The following LRMDA variants were observed in gnomAD, a reference collection of about 807,000 sequenced individuals.
LRMDA encodes the protein leucine rich melanocyte differentiation associated, also known as leucine-rich melanocyte differentiation-associated protein.
A neutral mutation model predicts 29.8 loss-of-function variants in LRMDA; 18 were observed. The ratio of observed to expected loss-of-function variants is 0.60; its 90% confidence interval spans 0.42 to 0.90. LRMDA has a LOEUF of 0.90. Among genes scored for constraint, LRMDA ranks in the 40% least tolerant of loss-of-function variants. LRMDA has a pLI of 0.00. For missense variants in LRMDA, 273 were observed against 273.9 expected (o/e 1.00, Z 0.02); for synonymous variants, 125 against 109.4 (o/e 1.14, Z -0.89).
At chr10:76,222,488 A>C (rs931745789) in intron 5 of LRMDA, among the ~76,000 whole-genome samples, 1 of 149,720 alleles carries the variant, frequency 6.7e-6, no homozygotes, top group Non-Finnish European at 1.5e-5. Context: ...TCAAAAGAAG[A>C]CAGTTATGCA....
intron 2 of LRMDA, among the ~76,000 whole-genome samples, chr10:75,905,735 G>A (rs1198148606): frequency 2.6e-5 from 4 of 152,000 alleles, no homozygotes; most frequent in Non-Finnish European, 5.9e-5. Context: ...CTCTGCTTTC[G>A]TTAACCTGGC....
At chr10:75,621,223 C>CAT (rs1016659874) in intron 2 of LRMDA, among the ~76,000 whole-genome samples, 1 of 136,482 alleles carries the variant, frequency 7.3e-6, no homozygotes, top group African/African-American at 2.7e-5. Flanking sequence ...CACACACACA[C>CAT]ACCCACACAC....
At chr10:75,917,862 C>A (rs1845960252) in intron 2 of LRMDA, among the ~76,000 whole-genome samples, 1 of 152,166 alleles carries the variant, frequency 6.6e-6, no homozygotes, top group African/African-American at 2.4e-5. Flanking sequence ...CGTACCCCGC[C>A]TTGGTACTTG....
At chr10:76,102,687 C>T (rs1356510659) in intron 5 of LRMDA, among the ~76,000 whole-genome samples, 1 of 152,180 alleles carries the variant, frequency 6.6e-6, no homozygotes, top group Non-Finnish European at 1.5e-5. Flanking sequence ...GGGTCTCACT[C>T]TGTCACCCAA....
intron 6 of LRMDA, chr10:76,346,332 T>C (rs749143767): frequency 6.6e-6 from 1 of 152,210 alleles, no homozygotes; most frequent in Non-Finnish European, 1.5e-5. Flanking sequence ...AGGTGATAAC[T>C]TTGGGTGATT....
chr10:76,120,877 G>A (rs565290005), intron 5 of LRMDA, among the ~76,000 whole-genome samples: 26 of 150,728 alleles, frequency 1.7e-4, no homozygotes, highest in African/African-American at 5.9e-4. Context: ...GTGTCATCCA[G>A]GCTGGAGTGC....
intron 2 of LRMDA, among the ~76,000 whole-genome samples, chr10:75,652,069 G>A (rs894088027): frequency 9.9e-5 from 15 of 152,178 alleles, no homozygotes; most frequent in Non-Finnish European, 1.6e-4. Flanking sequence ...AAAGCGAAAT[G>A]TTGTCCAACA....
intron 5 of LRMDA, among the ~76,000 whole-genome samples, chr10:76,292,213 T>TA (rs1840350404): frequency 6.6e-6 from 1 of 152,184 alleles, no homozygotes; most frequent in African/African-American, 2.4e-5. Flanking sequence ...CAACATATAT[T>TA]AATATATAGC....
intron 6 of LRMDA, among the ~76,000 whole-genome samples, chr10:76,382,150 T>G (rs1841600653): frequency 6.6e-6 from 1 of 152,144 alleles, no homozygotes; most frequent in Non-Finnish European, 1.5e-5. Context: ...GGGTAGAGAC[T>G]CTAGATTATT....
intron 2 of LRMDA, among the ~76,000 whole-genome samples, chr10:75,877,264 C>T (rs1845213751): frequency 6.6e-6 from 1 of 152,208 alleles, no homozygotes; most frequent in African/African-American, 2.4e-5. Context: ...TTACTGCTTT[C>T]TTGAAGTCTT....
intron 6 of LRMDA, among the ~76,000 whole-genome samples, chr10:76,528,948 G>A (rs1383963926): frequency 6.6e-6 from 1 of 152,164 alleles, no homozygotes; most frequent in African/African-American, 2.4e-5. Context: ...CAGCATAGGG[G>A]CTCTGTGTAT....
chr10:76,456,203 C>G (rs1842455237), intron 6 of LRMDA, among the ~76,000 whole-genome samples: 1 of 152,118 alleles, frequency 6.6e-6, no homozygotes, highest in Non-Finnish European at 1.5e-5. Context: ...TGAGCAAGGG[C>G]CTGGCTTCTA....
At chr10:75,513,403 C>T (rs1189676061) in intron 2 of LRMDA, among the ~76,000 whole-genome samples, 1 of 152,210 alleles carries the variant, frequency 6.6e-6, no homozygotes. Context: ...CATATCGCTT[C>T]TCAGTGTGCC....
intron 6 of LRMDA, among the ~76,000 whole-genome samples, chr10:76,458,479 C>T (rs1373364698): frequency 2.0e-5 from 3 of 152,300 alleles, no homozygotes; most frequent in South Asian, 2.1e-4. Context: ...ATTTGGCCAT[C>T]GTACTGCTAT....
chr10:75,720,309 A>C (rs1289878597), intron 2 of LRMDA, among the ~76,000 whole-genome samples: 1 of 152,194 alleles, frequency 6.6e-6, no homozygotes, highest in Non-Finnish European at 1.5e-5. Flanking sequence ...CGGGCAGGAG[A>C]CTGAGGATTT....
intron 6 of LRMDA, among the ~76,000 whole-genome samples, chr10:76,442,270 T>C (rs1374230484): frequency 6.6e-6 from 1 of 152,178 alleles, no homozygotes; most frequent in Admixed American, 6.5e-5. Context: ...TGCCTGAACA[T>C]GGGGTCCTGT....
chr10:76,539,438 G>A (rs899493767), intron 6 of LRMDA, among the ~76,000 whole-genome samples: 6 of 152,126 alleles, frequency 3.9e-5, no homozygotes, highest in African/African-American at 1.4e-4. Flanking sequence ...GATGGAACAG[G>A]TTTCCCAGGG....
Position 76,047,318 on chromosome 10 carries a change from G to T in LRMDA, c.398+15G>T. 1 of 1,592,964 alleles carries T rather than the reference G, an allele frequency of 6.3e-7. No homozygotes were observed. Among genetic ancestry groups the T allele is most frequent in the Non-Finnish European group, 8.5e-7 (1 of 1,171,032 alleles). On this transcript the variant is annotated intron_variant, in intron 4 of 6. Transcript: ENST00000611255. ...AAGAGATACAGGTGAGTGTCCAGGG[G>T]TTGGACCATGGTGGGAAAAGGGAAA... is the stretch of plus-strand genomic sequence containing the variant.
chr10:75,974,558 G>A (rs765613421), intron 2 of LRMDA, among the ~76,000 whole-genome samples: 6 of 152,102 alleles, frequency 3.9e-5, no homozygotes, highest in Non-Finnish European at 7.4e-5. Context: ...TACACTAAGG[G>A]CCAGGCCTAT....
Sources: allele counts gnomAD v4.1 joint callset (sites outside exome capture counted in the v4.1 genomes callset), GRCh38; gene constraint gnomAD v4.1.1; transcripts MANE v1.5; gene names NCBI Gene and HGNC (gene_info 2026-07-23, HGNC 2026-07-21).